The following CDK19 variants were observed in gnomAD, a reference collection of about 807,000 sequenced individuals.
The protein encoded by CDK19 is cyclin dependent kinase 19, also known as cyclin-dependent kinase 19.
CDK19 carries 20 observed loss-of-function variants against 68.3 expected under a neutral mutation model. The ratio of observed to expected loss-of-function variants is 0.29; its 90% CI spans 0.21 to 0.43. The LOEUF (loss-of-function observed/expected upper bound fraction) is 0.43. Ranked by LOEUF, CDK19 falls within the 20% of genes least tolerant of loss-of-function variation. The pLI is 1.00. For synonymous variants in CDK19, 221 were observed against 222.8 expected, an observed-to-expected ratio of 0.99 and a Z score of 0.07; for missense variants, 339 against 623.5, an observed-to-expected ratio of 0.54 and a Z score of 4.86.
At chr6:110,748,211 G>C (rs1004966912) in intron 1 of CDK19, among the ~76,000 whole-genome samples, 12 of 152,252 alleles carry the variant, frequency 7.9e-5, no homozygotes, top group Middle Eastern at 3.4e-3. Flanking sequence ...ATCTGGATAG[G>C]TTATAGTTGC....
Position 110,628,811 on chromosome 6 carries a change from T to A in CDK19, c.647-1666A>T, listed in dbSNP as rs138723180. Among the ~76,000 whole-genome samples, 11 of 152,364 alleles carry A rather than the reference T, an allele frequency of 7.2e-5. No individual in the cohort carries two copies. In the East Asian group the frequency reaches 2.1e-3, roughly 29 times the overall value. On this transcript the variant is annotated intron_variant, in intron 6 of 12. Coordinates refer to ENST00000368911, the MANE Select transcript of CDK19 (RefSeq NM_015076.5). ...AGGTACAGTTTCCTTCCACATAATT[T>A]AGCCTTCTGGATAATGGAAACATAT...
At chr6:110,680,481 G>A (rs1024970507) in intron 2 of CDK19, among the ~76,000 whole-genome samples, 14 of 152,050 alleles carry the variant, frequency 9.2e-5, no homozygotes, top group African/African-American at 3.1e-4. Context: ...ACACAAGAGT[G>A]TATTCACTAC....
intron 2 of CDK19, among the ~76,000 whole-genome samples, chr6:110,704,652 T>C (rs1582904471): frequency 6.6e-6 from 1 of 152,262 alleles, no homozygotes; most frequent in African/African-American, 2.4e-5. Context: ...TTCCATGTTA[T>C]GAATGCAGTC....
chr6:110,731,669 G>A (rs1776769803), intron 2 of CDK19, among the ~76,000 whole-genome samples: 1 of 152,164 alleles, frequency 6.6e-6, no homozygotes, highest in African/African-American at 2.4e-5. Flanking sequence ...TCTCATGAAA[G>A]AGTCTAACTG....
intron 12 of CDK19, among the ~76,000 whole-genome samples, chr6:110,615,318 A>T (rs1051690806): frequency 6.6e-6 from 1 of 152,264 alleles, no homozygotes; most frequent in Admixed American, 6.5e-5. Context: ...ATGTATTTTT[A>T]TTACATTAAA....
chr6:110,740,074 A>G (rs953103784), intron 2 of CDK19, among the ~76,000 whole-genome samples: 2 of 151,512 alleles, frequency 1.3e-5, no homozygotes, highest in African/African-American at 4.9e-5. Context: ...TTGTGGGGGG[A>G]AAAATTCTCT....
chr6:110,715,916 A>C (rs1182471943), intron 2 of CDK19, among the ~76,000 whole-genome samples: 1 of 152,182 alleles, frequency 6.6e-6, no homozygotes, highest in African/African-American at 2.4e-5. Flanking sequence ...TTCTTTTATA[A>C]GCACCCTAAA....
intron 1 of CDK19, among the ~76,000 whole-genome samples, chr6:110,767,214 T>G (rs1376471330): frequency 6.7e-6 from 1 of 149,456 alleles, no homozygotes; most frequent in Non-Finnish European, 1.5e-5. Flanking sequence ...TTACCAGAGG[T>G]TGGGAAGGGC....
intron 1 of CDK19, among the ~76,000 whole-genome samples, chr6:110,770,281 G>A (rs913665403): frequency 6.7e-6 from 1 of 148,242 alleles, no homozygotes; most frequent in Non-Finnish European, 1.5e-5. Flanking sequence ...AGACATACCC[G>A]AGATTGGGAA....
chr6:110,723,366 T>C (rs1047021119), intron 2 of CDK19, among the ~76,000 whole-genome samples: 1 of 152,122 alleles, frequency 6.6e-6, no homozygotes, highest in African/African-American at 2.4e-5. Context: ...AGTCACCACA[T>C]GGCTGAGAAA....
At chr6:110,736,249 G>A (rs1014311071) in intron 2 of CDK19, among the ~76,000 whole-genome samples, 1 of 152,196 alleles carries the variant, frequency 6.6e-6, no homozygotes, top group Non-Finnish European at 1.5e-5. Context: ...GCTGAGAGAG[G>A]AGAATCGCTT....
At chr6:110,637,417 C>T (rs1056975901) in intron 5 of CDK19, among the ~76,000 whole-genome samples, 3 of 152,094 alleles carry the variant, frequency 2.0e-5, no homozygotes, top group East Asian at 1.9e-4. Context: ...TCTCAGCAAA[C>T]TTAGGCTAGA....
At chr6:110,655,375 A>AT (rs969897940) in intron 4 of CDK19, among the ~76,000 whole-genome samples, 5 of 151,968 alleles carry the variant, frequency 3.3e-5, no homozygotes, top group South Asian at 4.2e-4. Context: ...CAAAAAAAAA[A>AT]AAATAAATAA....
intron 1 of CDK19, among the ~76,000 whole-genome samples, chr6:110,798,117 C>T (rs1378544953): frequency 1.3e-5 from 2 of 151,836 alleles, no homozygotes; most frequent in Non-Finnish European, 2.9e-5. Context: ...TCAGATGTAC[C>T]GTACTAAAGA....
intron 1 of CDK19, among the ~76,000 whole-genome samples, chr6:110,766,476 G>A (rs1261658149): frequency 2.0e-5 from 3 of 152,108 alleles, no homozygotes; most frequent in African/African-American, 7.2e-5. Context: ...TACTCAGGAA[G>A]CTGAGGCAGG....
At chr6:110,678,321 T>C (rs1771703065) in intron 2 of CDK19, among the ~76,000 whole-genome samples, 1 of 152,064 alleles carries the variant, frequency 6.6e-6, no homozygotes, top group Admixed American at 6.6e-5. Context: ...ACACCAGCTA[T>C]GTGTATCCAG....
chr6:110,755,858 A>AG (rs1778799251), intron 1 of CDK19, among the ~76,000 whole-genome samples: 1 of 152,190 alleles, frequency 6.6e-6, no homozygotes, highest in Non-Finnish European at 1.5e-5. Context: ...AGCCAGAGGC[A>AG]GGGGGATCAA....
At chr6:110,679,494 C>A (rs534996576) in intron 2 of CDK19, among the ~76,000 whole-genome samples, 1 of 152,162 alleles carries the variant, frequency 6.6e-6, no homozygotes, top group South Asian at 2.1e-4. Context: ...TGCCTATAAT[C>A]CTAGCTACTC....
chr6:110,632,305 C>G (rs1167858878), intron 5 of CDK19, 144 bp from the exon 6 acceptor site: 1 of 599,380 alleles, frequency 1.7e-6, no homozygotes, highest in African/African-American at 1.9e-5. Flanking sequence ...ATAAAGCAAT[C>G]CTTTTCCTCC....
Sources: allele counts gnomAD v4.1 joint callset (sites outside exome capture counted in the v4.1 genomes callset), GRCh38; gene constraint gnomAD v4.1.1; transcripts MANE v1.5; gene names NCBI Gene and HGNC (gene_info 2026-07-23, HGNC 2026-07-21).